INPP5B: variants seen among roughly 807,000 people sequenced by gnomAD.
INPP5B encodes inositol polyphosphate-5-phosphatase B.
Under a neutral mutation model 118.5 loss-of-function variants are expected in INPP5B, and 90 were observed. That is an observed-to-expected ratio of 0.76 (90% CI 0.64 to 0.90). INPP5B has a LOEUF of 0.90. Among genes scored for constraint, INPP5B ranks in the 40% least tolerant of loss-of-function variants. INPP5B has a pLI of 0.00. For missense variants in INPP5B, 984 were observed against 1,125.6 expected (o/e 0.87, Z 1.80); for synonymous variants, 385 against 418.9 (o/e 0.92, Z 0.99).
intron 9 of INPP5B, 22 bp from the exon 10 acceptor site, chr1:37,888,366 T>G: frequency 6.9e-7 from 1 of 1,440,212 alleles, no homozygotes; most frequent in Non-Finnish European, 9.4e-7. Flanking sequence ...GAGAAATAAT[T>G]AGTGACTCCG....
intron 14 of INPP5B, among the ~76,000 whole-genome samples, 170 bp from the exon 15 acceptor site, chr1:37,880,364 A>G (rs537231901): frequency 1.3e-5 from 2 of 152,336 alleles, no homozygotes; most frequent in South Asian, 4.1e-4. Context: ...GAAGTGGACA[A>G]GCTGACCACT....
chr1:37,945,957 C>A, intron 2 of INPP5B, 107 bp from the exon 3 acceptor site: 1 of 993,878 alleles, frequency 1.0e-6, no homozygotes. Flanking sequence ...ACTGTGTGGC[C>A]TTGGGTGAGC....
chr1:37,941,616 G>A (rs1054106027), intron 5 of INPP5B, among the ~76,000 whole-genome samples: 12 of 151,506 alleles, frequency 7.9e-5, no homozygotes, highest in African/African-American at 1.9e-4. Context: ...ACTCCAGCCC[G>A]AGTGACAGAG....
intron 13 of INPP5B, among the ~76,000 whole-genome samples, chr1:37,884,557 A>G (rs1025646740): frequency 2.0e-5 from 3 of 152,102 alleles, no homozygotes; most frequent in Admixed American, 2.0e-4. Context: ...TGCTGGGATA[A>G]CAGGCATGAA....
chr1:37,900,371 C>T (rs1644286289), intron 7 of INPP5B, among the ~76,000 whole-genome samples: 1 of 151,906 alleles, frequency 6.6e-6, no homozygotes, highest in African/African-American at 2.4e-5. Flanking sequence ...TCTCCTGCCT[C>T]AGCCTCCTGA....
intron 7 of INPP5B, among the ~76,000 whole-genome samples, chr1:37,916,192 C>T (rs1460346517): frequency 6.6e-6 from 1 of 151,848 alleles, no homozygotes; most frequent in Non-Finnish European, 1.5e-5. Context: ...CTCCCAGGTT[C>T]AAGCGATTCT....
chr1:37,914,433 A>G (rs1004318579), intron 7 of INPP5B, among the ~76,000 whole-genome samples: 1 of 152,110 alleles, frequency 6.6e-6, no homozygotes, highest in Non-Finnish European at 1.5e-5. Flanking sequence ...TGAGGATTGC[A>G]TGAAAAGATC....
At chr1:37,934,456 C>G (rs953092806) in intron 6 of INPP5B, among the ~76,000 whole-genome samples, 12 of 152,214 alleles carry the variant, frequency 7.9e-5, no homozygotes, top group African/African-American at 2.9e-4. Context: ...TGATGTTTCT[C>G]TAATAGTAGA....
At chr1:37,872,575 T>C (rs1363438964) in intron 19 of INPP5B, among the ~76,000 whole-genome samples, 7 of 151,430 alleles carry the variant, frequency 4.6e-5, no homozygotes, top group Non-Finnish European at 2.9e-5. Context: ...GATGAGTCCA[T>C]GTGGTGAGTG....
At chr1:37,922,682 C>G (rs984046315) in intron 7 of INPP5B, among the ~76,000 whole-genome samples, 15 of 152,022 alleles carry the variant, frequency 9.9e-5, no homozygotes, top group African/African-American at 3.4e-4. Flanking sequence ...GGTGACACAG[C>G]GAGACTCCGT....
chr1:37,886,007 G>A (rs571405665), intron 12 of INPP5B, among the ~76,000 whole-genome samples, 182 bp from the exon 13 acceptor site: 21 of 152,030 alleles, frequency 1.4e-4, no homozygotes, highest in African/African-American at 3.9e-4. Context: ...GTGAAACCCC[G>A]TCTCTACTAA....
At chr1:37,869,244 C>T (rs1010465483) in intron 19 of INPP5B, among the ~76,000 whole-genome samples, 8 of 151,958 alleles carry the variant, frequency 5.3e-5, no homozygotes, top group South Asian at 2.1e-4. Flanking sequence ...CCACCCACCT[C>T]GGCCTCCCAA....
intron 7 of INPP5B, chr1:37,929,034 C>T (rs1468005713): frequency 6.6e-6 from 1 of 152,102 alleles, no homozygotes; most frequent in Non-Finnish European, 1.5e-5. Flanking sequence ...GAGCTTGATA[C>T]CATTTCTTAC....
chr1:37,865,419 CA>C lies in INPP5B; in HGVS notation c.2514+341del, dbSNP rs544331513. On this transcript the variant is annotated intron_variant, in intron 22 of 23. Coordinates refer to ENST00000373024, the MANE Select transcript of INPP5B (RefSeq NM_005540.3). Reference sequence around the variant, plus strand: ...GAATACACAATCTGATGGCAGCATGCAAAACAAATCAGCAGAAGGAGATCGT... The same window carrying C: ...GAATACACAATCTGATGGCAGCATGCAAACAAATCAGCAGAAGGAGATCGT... Among the ~76,000 whole-genome samples, 7 of 152,146 alleles carry C rather than the reference CA, an allele frequency of 4.6e-5. No individual in the cohort carries two copies. The South Asian group carries it at 1.4e-3, about 32-fold the overall frequency.
rs140720550 is a variant in INPP5B, at chr1:37,876,301, T to C, written c.1678-585A>G. 5.7e-3 allele frequency among the ~76,000 whole-genome samples: 861 copies of C among 151,516 alleles called. 10 individuals are homozygous for C. Among genetic ancestry groups the C allele is most frequent in the African/African-American group, 0.02 (827 of 41,348 alleles). On this transcript the variant is annotated intron_variant, in intron 16 of 23. Transcript: ENST00000373024. ...TTACTTTTTGTAGAGATGAGGGGTT[T>C]TGCCATGTTGCCCAGGCTGGTCTTG...
intron 19 of INPP5B, among the ~76,000 whole-genome samples, chr1:37,871,895 C>CAA (rs368128622): frequency 1.6e-4 from 18 of 112,526 alleles, no homozygotes; most frequent in Middle Eastern, 4.7e-3. Flanking sequence ...GACTCTGTTT[C>CAA]AAAAAAAAAA....
chr1:37,883,364 T>C, intron 13 of INPP5B: 4 of 985,432 alleles, frequency 4.1e-6, no homozygotes, highest in Non-Finnish European at 4.8e-6. Flanking sequence ...TAGAGCAGAG[T>C]TCCTCTGAAA....
At chr1:37,917,313 TA>T (rs1644905970) in intron 7 of INPP5B, among the ~76,000 whole-genome samples, 2 of 13,794 alleles carry the variant, frequency 1.4e-4, no homozygotes, top group African/African-American at 2.1e-4. Context: ...AATAATTATA[TA>T]TATATATATA....
intron 7 of INPP5B, among the ~76,000 whole-genome samples, chr1:37,898,993 C>G (rs1448666252): frequency 6.6e-6 from 1 of 151,748 alleles, no homozygotes; most frequent in Non-Finnish European, 1.5e-5. Context: ...ACTAACCTGA[C>G]CAACATGGAG....
Sources: allele counts gnomAD v4.1 joint callset (sites outside exome capture counted in the v4.1 genomes callset), GRCh38; gene constraint gnomAD v4.1.1; transcripts MANE v1.5; gene names NCBI Gene and HGNC (gene_info 2026-07-23, HGNC 2026-07-21).